The following MAPK10 variants were observed in gnomAD, a reference collection of about 807,000 sequenced individuals.
MAPK10 encodes mitogen-activated protein kinase 10, also known as JNK3 alpha protein kinase.
A neutral mutation model predicts 59.3 loss-of-function variants in MAPK10; 25 were observed. The ratio of observed to expected loss-of-function variants is 0.42; its 90% CI spans 0.31 to 0.59. The LOEUF (loss-of-function observed/expected upper bound fraction) is 0.59, where lower values mean the gene tolerates loss of function less well. Ranked by LOEUF, MAPK10 falls within the 20% of genes least tolerant of loss-of-function variation. The probability of loss-of-function intolerance (pLI) is 0.15; values close to 1 mark genes in which losing one functional copy is unlikely to be tolerated. For synonymous variants in MAPK10, 190 were observed against 200.5 expected (o/e 0.95, Z 0.44); for missense variants, 351 against 568.9 (o/e 0.62, Z 3.90).
At chr4:86,398,230 A>C (rs1027667902) in intron 1 of MAPK10, among the ~76,000 whole-genome samples, 15 of 152,016 alleles carry the variant, frequency 9.9e-5, no homozygotes, top group Admixed American at 3.9e-4. Flanking sequence ...AACAAACAAA[A>C]AAAAAAAGAA....
chr4:86,133,688 T>C (rs116050433), intron 4 of MAPK10, among the ~76,000 whole-genome samples: 1,527 of 152,334 alleles, frequency 0.01, 28 homozygotes, highest in African/African-American at 0.035. Context: ...TAGCCAGAAC[T>C]TTTGGCTCAG....
chr4:86,489,020 T>C (rs1202163865), intron 1 of MAPK10, among the ~76,000 whole-genome samples: 1 of 152,150 alleles, frequency 6.6e-6, no homozygotes, highest in Admixed American at 6.5e-5. Flanking sequence ...ACCAGCACTT[T>C]TCAGTCCAGT....
intron 1 of MAPK10, among the ~76,000 whole-genome samples, chr4:86,493,569 C>T (rs918540700): frequency 6.6e-6 from 1 of 152,122 alleles, no homozygotes. Flanking sequence ...GATGTGATAA[C>T]CTTCAGGACA....
chr4:86,077,057 A>C (rs1055098741), intron 9 of MAPK10, among the ~76,000 whole-genome samples: 3 of 152,172 alleles, frequency 2.0e-5, no homozygotes, highest in African/African-American at 7.2e-5. Flanking sequence ...GAATTATTTG[A>C]CAGTAAATCA....
At chr4:86,066,772 A>C (rs1021197956) in intron 10 of MAPK10, among the ~76,000 whole-genome samples, 1 of 147,632 alleles carries the variant, frequency 6.8e-6, no homozygotes, top group Non-Finnish European at 1.5e-5. Flanking sequence ...AAAAAAAAAA[A>C]AAAGAAAGGG....
intron 1 of MAPK10, among the ~76,000 whole-genome samples, chr4:86,443,250 T>A (rs978359128): frequency 2.0e-5 from 3 of 151,408 alleles, no homozygotes; most frequent in Non-Finnish European, 2.9e-5. Flanking sequence ...AAAAAAAAAA[T>A]TCCCTTGTGT....
At chr4:86,467,612 C>T (rs569071336) in intron 1 of MAPK10, among the ~76,000 whole-genome samples, 5 of 152,150 alleles carry the variant, frequency 3.3e-5, no homozygotes, top group Admixed American at 1.3e-4. Flanking sequence ...CTCCGCCTCC[C>T]GGGTTCAAGC....
intron 4 of MAPK10, among the ~76,000 whole-genome samples, chr4:86,132,743 C>T (rs1485814764): frequency 1.3e-5 from 2 of 152,100 alleles, no homozygotes; most frequent in Admixed American, 6.5e-5. Flanking sequence ...CTATTGTGAA[C>T]TGCGCATATG....
chr4:86,308,093 T>C (rs1242381767), intron 2 of MAPK10, among the ~76,000 whole-genome samples: 2 of 152,122 alleles, frequency 1.3e-5, no homozygotes, highest in Non-Finnish European at 2.9e-5. Context: ...AGGGAAATGA[T>C]GATATCATTC....
intron 1 of MAPK10, among the ~76,000 whole-genome samples, chr4:86,528,314 T>C (rs1757624959): frequency 6.6e-6 from 1 of 152,104 alleles, no homozygotes; most frequent in South Asian, 2.1e-4. Flanking sequence ...ATTGGAAGTT[T>C]TAATATAAAG....
intron 1 of MAPK10, among the ~76,000 whole-genome samples, chr4:86,398,642 T>A (rs1743287729): frequency 6.6e-6 from 1 of 152,208 alleles, no homozygotes. Flanking sequence ...GTGGTACATG[T>A]GCAGGTTTGT....
At position 86,523,259 on chromosome 4, in the gene MAPK10, T is replaced by C. The variant is rs978353781; in HGVS notation, c.-263+70651A>G. ...GCACAGCAGCATTACAGGAGGGTTA[T>C]GGATTTGTGGAACACACTGACCCCC... On this transcript the variant is annotated intron_variant, in intron 1 of 4. Coordinates refer to the MAPK10 transcript ENST00000502302. Among the ~76,000 whole-genome samples, 3 of 152,190 alleles carry C rather than the reference T, an allele frequency of 2.0e-5. No individual in the cohort carries two copies. In the East Asian group the frequency reaches 5.8e-4, roughly 29 times the overall value.
intron 1 of MAPK10, among the ~76,000 whole-genome samples, chr4:86,391,623 T>C (rs1025642315): frequency 1.1e-4 from 17 of 152,304 alleles, no homozygotes; most frequent in Admixed American, 5.9e-4. Context: ...GACACTCAAG[T>C]GAAGGCAAGA....
intron 2 of MAPK10, among the ~76,000 whole-genome samples, chr4:86,241,235 G>A (rs1414452325): frequency 6.6e-6 from 1 of 152,124 alleles, no homozygotes; most frequent in Non-Finnish European, 1.5e-5. Context: ...CCCTTTGTAG[G>A]TTACCTGACC....
At chr4:86,563,874 C>T (rs1046337961) in intron 1 of MAPK10, among the ~76,000 whole-genome samples, 4 of 152,142 alleles carry the variant, frequency 2.6e-5, no homozygotes, top group African/African-American at 9.7e-5. Context: ...TTCTGTCACC[C>T]AGGCTGGAGT....
chr4:86,190,609 T>C (rs546509512), intron 3 of MAPK10, among the ~76,000 whole-genome samples: 147 of 152,308 alleles, frequency 9.7e-4, no homozygotes, highest in Non-Finnish European at 1.2e-3. Context: ...CTTCATTTTT[T>C]ATTGTGTCTA....
chr4:86,166,980 C>G (rs931173399), intron 3 of MAPK10, among the ~76,000 whole-genome samples: 2 of 151,486 alleles, frequency 1.3e-5, no homozygotes, highest in Non-Finnish European at 2.9e-5. Context: ...GCTAGCTAGA[C>G]TAATAAAGAA....
chr4:86,583,270 G>A (rs1034523487), intron 1 of MAPK10, among the ~76,000 whole-genome samples: 20 of 151,968 alleles, frequency 1.3e-4, no homozygotes, highest in Admixed American at 5.2e-4. Context: ...TGATCTGCCC[G>A]CCTCGGCCTC....
At chr4:86,376,847 T>C (rs1739900185) in intron 1 of MAPK10, among the ~76,000 whole-genome samples, 1 of 152,222 alleles carries the variant, frequency 6.6e-6, no homozygotes, top group Non-Finnish European at 1.5e-5. Context: ...TCTACATTCC[T>C]AAATGAAACC....
Sources: gnomAD v4.1 joint callset for allele counts (sites outside exome capture counted in the v4.1 genomes callset) on GRCh38, gnomAD v4.1.1 for gene constraint, MANE v1.5 for transcripts, NCBI Gene and HGNC (gene_info 2026-07-23, HGNC 2026-07-21) for gene names.